Variants in EML6 observed in about 807,000 individuals in gnomAD.
EML6 encodes the protein echinoderm microtubule-associated protein-like 6.
In EML6, 154 loss-of-function variants were observed where a neutral mutation model predicts 240.1. The observed-to-expected ratio is 0.64, with a 90% confidence interval of 0.56 to 0.73. EML6 has a LOEUF of 0.73. Among genes scored for constraint, EML6 ranks in the 30% least tolerant of loss-of-function variants. EML6 has a pLI of 0.00. For missense variants in EML6, 2,964 were observed against 2,474.6 expected (o/e 1.20, Z -4.20); for synonymous variants, 1,148 against 899.0 (o/e 1.28, Z -4.95).
At chr2:54,910,811 C>T in intron 24 of EML6, 143 bp from the exon 25 acceptor site, 1 of 536,698 alleles carries the variant, frequency 1.9e-6, no homozygotes, top group Non-Finnish European at 3.5e-6. Context: ...CTGTACATGC[C>T]CTTCTGAATA....
intron 2 of EML6, among the ~76,000 whole-genome samples, chr2:54,734,748 A>G (rs1683320949): frequency 6.6e-6 from 1 of 152,248 alleles, no homozygotes; most frequent in Non-Finnish European, 1.5e-5. Flanking sequence ...CCTGCTGAAC[A>G]TCAACCATGG....
Position 54,892,544 on chromosome 2 carries a change from T to C in EML6, c.2630T>C (p.Leu877Pro). 1 of 1,551,268 alleles carries C rather than the reference T, an allele frequency of 6.4e-7. No homozygotes were observed. Among genetic ancestry groups the C allele is most frequent in the Non-Finnish European group, 8.7e-7 (1 of 1,146,514 alleles). Residue 877 changes from leucine to proline, a missense_variant, in exon 19 of 42, where the codon CTA becomes CCA. Transcript: ENST00000356458. ...MCVSYGRMEDLVFSGAATGDI... is the reference protein window; with the variant it reads ...MCVSYGRMEDPVFSGAATGDI... The stretch of plus-strand genomic sequence containing the variant: ...GTTTCTTACGGACGAATGGAAGATC[T>C]AGTGTTCTCAGGAGCAGCTACTGGA...
intron 35 of EML6, among the ~76,000 whole-genome samples, chr2:54,961,184 G>GTTTTTTTTTTTTTTTTGTTTTTTTGT (rs1676485412): frequency 1.8e-5 from 1 of 55,420 alleles, no homozygotes; most frequent in Non-Finnish European, 3.2e-5. Flanking sequence ...TCAGGAAGTA[G>GTTTTTTTTTTTTTTTTGTTTTTTTGT]TTTTTTTTTT....
chr2:54,744,905 TACACACAC>T (rs56324677), intron 2 of EML6, among the ~76,000 whole-genome samples: 6,918 of 107,118 alleles, frequency 0.065, 271 homozygotes, highest in African/African-American at 0.082. Context: ...CACACACACG[TACACACAC>T]ACACACACAC....
At chr2:54,889,986 G>A (rs192953276) in intron 17 of EML6, among the ~76,000 whole-genome samples, 252 of 152,250 alleles carry the variant, frequency 1.7e-3, no homozygotes, top group African/African-American at 5.7e-3. Context: ...AATAAATCTG[G>A]GTTTCTCAAT....
intron 2 of EML6, among the ~76,000 whole-genome samples, chr2:54,738,007 G>A (rs1683471935): frequency 6.6e-6 from 1 of 152,104 alleles, no homozygotes; most frequent in Non-Finnish European, 1.5e-5. Context: ...ACATTCACAT[G>A]ACATTACTCA....
intron 2 of EML6, among the ~76,000 whole-genome samples, chr2:54,790,708 T>A (rs915501774): frequency 2.7e-5 from 4 of 150,812 alleles, no homozygotes; most frequent in Non-Finnish European, 5.9e-5. Flanking sequence ...TAGAGGACAT[T>A]GGTAACTTAA....
At chr2:54,862,669 G>A (rs183710853) in intron 12 of EML6, among the ~76,000 whole-genome samples, 8 of 152,190 alleles carry the variant, frequency 5.3e-5, no homozygotes, top group African/African-American at 1.4e-4. Flanking sequence ...TCTAGGAAGC[G>A]CAAAGGACAC....
chr2:54,861,403 G>C (rs1015843684), intron 12 of EML6, among the ~76,000 whole-genome samples: 1 of 152,180 alleles, frequency 6.6e-6, no homozygotes, highest in African/African-American at 2.4e-5. Flanking sequence ...TATCTCCCCA[G>C]GATCAGAGGG....
chr2:54,825,860 A>G (rs1188995599), intron 5 of EML6, among the ~76,000 whole-genome samples: 1 of 152,142 alleles, frequency 6.6e-6, no homozygotes. Flanking sequence ...TTCCTCTCCT[A>G]CAGGTGTAAA....
At chr2:54,844,626 C>G (rs191949794) in intron 8 of EML6, among the ~76,000 whole-genome samples, 1 of 152,190 alleles carries the variant, frequency 6.6e-6, no homozygotes, top group African/African-American at 2.4e-5. Flanking sequence ...AAGGCTCTCT[C>G]ATTCATCATC....
chr2:54,811,723 A>C (rs1667857461), intron 2 of EML6, among the ~76,000 whole-genome samples: 1 of 152,238 alleles, frequency 6.6e-6, no homozygotes, highest in Non-Finnish European at 1.5e-5. Context: ...CTTAATGAGC[A>C]AACATGGCAT....
chr2:54,836,483 T>C (rs1188454847), intron 7 of EML6, among the ~76,000 whole-genome samples: 1 of 152,202 alleles, frequency 6.6e-6, no homozygotes, highest in African/African-American at 2.4e-5. Context: ...AGGGAGCCTT[T>C]GTGAACAGGA....
chr2:54,961,184 G>GTTGTTTTTTTTTTTTGTTTTTTTTTT lies in EML6; in HGVS notation c.4968+852_4968+853insGTTTTTTTTTTTTGTTTTTTTTTTTT. On this transcript the variant is annotated intron_variant, in intron 35 of 41. Transcript: ENST00000356458. ...GGAGCCTGGAAGTTATCAGGAAGTA[G>GTTGTTTTTTTTTTTTGTTTTTTTTTT]TTTTTTTTTTTTTTTTTTTGAGACG... Among the ~76,000 whole-genome samples, 17 of 55,416 alleles carry GTTGTTTTTTTTTTTTGTTTTTTTTTT rather than the reference G, an allele frequency of 3.1e-4. 4 individuals carry two copies. Among genetic ancestry groups the GTTGTTTTTTTTTTTTGTTTTTTTTTT allele is most frequent in the Admixed American group, 2.7e-4 (1 of 3,714 alleles). The allele number at this position is 55,416 out of a possible 152,430, so 36.4% of individuals were successfully genotyped here.
chr2:54,965,050 C>T (rs1676687936), intron 38 of EML6, among the ~76,000 whole-genome samples: 1 of 152,220 alleles, frequency 6.6e-6, no homozygotes, highest in African/African-American at 2.4e-5. Flanking sequence ...TGGGGCTACA[C>T]CTAAGCCTTG....
chr2:54,823,253 C>T (rs537395055), intron 5 of EML6, among the ~76,000 whole-genome samples: 1 of 152,134 alleles, frequency 6.6e-6, no homozygotes, highest in Non-Finnish European at 1.5e-5. Flanking sequence ...GATGGAGATG[C>T]TGCTTAGGCT....
chr2:54,958,030 G>T, intron 33 of EML6, 32 bp downstream of exon 33: 2 of 1,524,358 alleles, frequency 1.3e-6, no homozygotes, highest in East Asian at 2.5e-5. Flanking sequence ...CTGAGAAGGG[G>T]ACCCAGACCC....
At chr2:54,754,838 CTA>C (rs1370894491) in intron 2 of EML6, among the ~76,000 whole-genome samples, 1 of 152,138 alleles carries the variant, frequency 6.6e-6, no homozygotes, top group Non-Finnish European at 1.5e-5. Context: ...CAGAAATGTT[CTA>C]TGTTTGTACT....
chr2:54,946,246 C>G (rs1675689619), intron 28 of EML6, among the ~76,000 whole-genome samples: 1 of 152,136 alleles, frequency 6.6e-6, no homozygotes, highest in Non-Finnish European at 1.5e-5. Flanking sequence ...CCACCAGGCC[C>G]CTTTGTGTCT....
Sources: allele counts gnomAD v4.1 joint callset (sites outside exome capture counted in the v4.1 genomes callset), GRCh38; gene constraint gnomAD v4.1.1; transcripts MANE v1.5; gene names NCBI Gene and HGNC (gene_info 2026-07-23, HGNC 2026-07-21).